The following CPXM2 variants were observed in gnomAD, a reference collection of about 807,000 sequenced individuals.
CPXM2 encodes the protein inactive carboxypeptidase-like protein X2.
Under a neutral mutation model 86.1 loss-of-function variants are expected in CPXM2, and 66 were observed. The ratio of observed to expected loss-of-function variants is 0.77; its 90% CI spans 0.63 to 0.94. The LOEUF (loss-of-function observed/expected upper bound fraction) is 0.94. CPXM2 is among the 40% of genes least tolerant of loss of function. CPXM2 has a pLI of 0.00. For missense variants in CPXM2, 948 were observed against 1,026.3 expected (o/e 0.92, Z 1.04); for synonymous variants, 388 against 400.2 (o/e 0.97, Z 0.36).
At chr10:123,912,454 T>C (rs2134271561) in intron 2 of CPXM2, among the ~76,000 whole-genome samples, 1 of 152,354 alleles carries the variant, frequency 6.6e-6, no homozygotes, top group East Asian at 1.9e-4. Context: ...GGCTGCCCTC[T>C]GGGACTCAGC....
At chr10:123,887,329 G>A (rs1945193872) in intron 1 of CPXM2, among the ~76,000 whole-genome samples, 2 of 152,156 alleles carry the variant, frequency 1.3e-5, no homozygotes, top group Non-Finnish European at 2.9e-5. Context: ...AAACTGTACA[G>A]TACCAAAATC....
chr10:123,909,752 A>G (rs1304724009), intron 2 of CPXM2, among the ~76,000 whole-genome samples: 8 of 152,360 alleles, frequency 5.3e-5, no homozygotes, highest in East Asian at 3.9e-4. Context: ...CAGGATAACT[A>G]TAACCACTCT....
At chr10:123,941,244 A>G (rs28560225), upstream of CPXM2, among the ~76,000 whole-genome samples, 97,810 of 152,176 alleles carry the variant, frequency 0.64, 32,508 homozygotes, top group Middle Eastern at 0.78. Context: ...GGGCCTAGGA[A>G]TCTAAGATCA....
chr10:123,799,898 A>T (rs910969724), intron 4 of CPXM2, among the ~76,000 whole-genome samples: 3 of 152,172 alleles, frequency 2.0e-5, no homozygotes, highest in African/African-American at 7.2e-5. Flanking sequence ...AGCGACCTAC[A>T]TCTTTTTTTC....
In CPXM2 at chr10:123,789,021, C is replaced by T. The variant is rs187732758; in HGVS notation, c.890-8766G>A. ...CCCAAGGAGCAGCTGCCATTGTGGC[C>T]TTGTGACCTCCCCAAACCCCAACAT... is the stretch of plus-strand genomic sequence containing the variant. On this transcript the variant is annotated intron_variant, in intron 6 of 13. Coordinates refer to ENST00000241305, the MANE Select transcript of CPXM2 (RefSeq NM_198148.3). Among the ~76,000 whole-genome samples, 10 of 152,216 alleles carry T rather than the reference C, an allele frequency of 6.6e-5. No homozygotes were observed. In the East Asian group the frequency reaches 1.9e-3, roughly 29 times the overall value.
chr10:123,805,252 A>G (rs945339036), intron 4 of CPXM2, among the ~76,000 whole-genome samples: 1 of 151,970 alleles, frequency 6.6e-6, no homozygotes, highest in Admixed American at 6.6e-5. Context: ...TTCCTGGTGC[A>G]TTCTTTAAGT....
intron 6 of CPXM2, 36 bp downstream of exon 6, chr10:123,797,940 T>C (rs1847369244): frequency 6.5e-7 from 1 of 1,532,984 alleles, no homozygotes; most frequent in East Asian, 2.4e-5. Flanking sequence ...CCATCAGTGC[T>C]CCCACCCTGC....
chr10:123,883,517 G>A lies in CPXM2; in HGVS notation c.305-3208C>T, dbSNP rs2134238126. Among the ~76,000 whole-genome samples, 3 of 152,388 alleles carry A rather than the reference G, an allele frequency of 2.0e-5. No individual in the cohort carries two copies. The South Asian group carries it at 6.2e-4, about 32-fold the overall frequency. On this transcript the variant is annotated intron_variant, in intron 1 of 13. Coordinates refer to ENST00000241305, the MANE Select transcript of CPXM2 (RefSeq NM_198148.3). ...AAAAATGCTGCCTGATGGGCTTAGGGTGGCCCTGGCCTGCAGCCTCACTGA... is the reference window on the plus strand; with the variant it reads ...AAAAATGCTGCCTGATGGGCTTAGGATGGCCCTGGCCTGCAGCCTCACTGA...
At chr10:123,808,676 T>C (rs1050155720) in intron 4 of CPXM2, among the ~76,000 whole-genome samples, 6 of 152,136 alleles carry the variant, frequency 3.9e-5, no homozygotes, top group African/African-American at 1.4e-4. Flanking sequence ...TACAATTAAG[T>C]AATTACTGAG....
rs968888492 is a variant in CPXM2, at chr10:123,745,842, T to A, written c.*922A>T. ...TGGCATTCTACATATCAAAAATAAC[T>A]CCCAGGCTGATATGAGGCCAACCCA... On this transcript the variant is annotated 3_prime_UTR_variant, in exon 14 of 14. Coordinates refer to ENST00000241305, the MANE Select transcript of CPXM2 (RefSeq NM_198148.3). The A allele has an allele frequency of 6.6e-6, 1 of 151,950 alleles. No individual in the cohort carries two copies. Among genetic ancestry groups the A allele is most frequent in the East Asian group, 1.9e-4 (1 of 5,158 alleles). 9.4% of individuals were successfully genotyped at this position (151,950 alleles called of 1,614,324 possible).
At chr10:123,794,213 AC>A (rs1199415112) in intron 6 of CPXM2, among the ~76,000 whole-genome samples, 1 of 152,122 alleles carries the variant, frequency 6.6e-6, no homozygotes, top group Non-Finnish European at 1.5e-5. Flanking sequence ...ACACCCAAGA[AC>A]CCTGGACATC....
intron 4 of CPXM2, among the ~76,000 whole-genome samples, chr10:123,831,027 C>A (rs987441972): frequency 7.2e-5 from 11 of 152,190 alleles, no homozygotes; most frequent in Admixed American, 2.0e-4. Flanking sequence ...GGATTTTTCA[C>A]TGTGGACTGG....
At chr10:123,753,946 C>T (rs932815247) in intron 13 of CPXM2, among the ~76,000 whole-genome samples, 1 of 152,158 alleles carries the variant, frequency 6.6e-6, no homozygotes, top group South Asian at 2.1e-4. Context: ...TGAAGCATTT[C>T]ATCTAATGAC....
At chr10:123,753,946 C>G (rs932815247) in intron 13 of CPXM2, among the ~76,000 whole-genome samples, 4 of 152,158 alleles carry the variant, frequency 2.6e-5, no homozygotes, top group Non-Finnish European at 5.9e-5. Flanking sequence ...TGAAGCATTT[C>G]ATCTAATGAC....
chr10:123,811,220 A>G (rs2134092573), intron 4 of CPXM2, among the ~76,000 whole-genome samples: 1 of 151,230 alleles, frequency 6.6e-6, no homozygotes, highest in South Asian at 2.1e-4. Context: ...ATATATGTAT[A>G]CATGTGCCAT....
intron 7 of CPXM2, among the ~76,000 whole-genome samples, chr10:123,771,401 C>T (rs989357596): frequency 1.3e-5 from 2 of 152,072 alleles, no homozygotes; most frequent in Non-Finnish European, 2.9e-5. Context: ...ATGCCCAATG[C>T]ATGAATTGCT....
chr10:123,854,406 T>TTA (rs1449722815), intron 3 of CPXM2, among the ~76,000 whole-genome samples: 1 of 113,802 alleles, frequency 8.8e-6, no homozygotes, highest in African/African-American at 3.6e-5. Context: ...TATATATATA[T>TTA]TATATATAAA....
chr10:123,943,712 C>G (rs1346920396), upstream of CPXM2, among the ~76,000 whole-genome samples: 2 of 152,232 alleles, frequency 1.3e-5, no homozygotes, highest in African/African-American at 2.4e-5. Flanking sequence ...ATGTTGCTGA[C>G]AGCCTGGTAG....
intron 6 of CPXM2, among the ~76,000 whole-genome samples, chr10:123,794,370 C>G (rs1161592645): frequency 1.3e-5 from 2 of 152,206 alleles, no homozygotes; most frequent in Admixed American, 1.3e-4. Flanking sequence ...AGCACTGCCA[C>G]CCCAGTATCT....
Sources: gnomAD v4.1 joint callset for allele counts (sites outside exome capture counted in the v4.1 genomes callset) on GRCh38, gnomAD v4.1.1 for gene constraint, MANE v1.5 for transcripts, NCBI Gene and HGNC (gene_info 2026-07-23, HGNC 2026-07-21) for gene names.